PHF21B: variants seen among roughly 807,000 people sequenced by gnomAD.
The protein encoded by PHF21B is PHD finger protein 21B, also known as PHD finger protein 4.
In PHF21B, 22 loss-of-function variants were observed where a neutral mutation model predicts 62.2. That is an observed-to-expected ratio of 0.35 (90% CI 0.25 to 0.51). The LOEUF (loss-of-function observed/expected upper bound fraction) is 0.51. Among genes scored for constraint, PHF21B ranks in the 20% least tolerant of loss-of-function variants. PHF21B has a pLI of 0.97. For missense variants in PHF21B, 701 were observed against 707.9 expected, an observed-to-expected ratio of 0.99 and a Z score of 0.11; for synonymous variants, 341 against 314.7, an observed-to-expected ratio of 1.08 and a Z score of -0.88.
At chr22:45,008,757 G>A in intron 1 of PHF21B, 147 bp from the exon 2 acceptor site, 2 of 1,148,358 alleles carry the variant, frequency 1.7e-6, no homozygotes, top group Non-Finnish European at 2.1e-6. Context: ...CGTCCTGCAC[G>A]CGCGGCGGCC....
At chr22:44,969,927 C>G (rs553030708) in intron 2 of PHF21B, among the ~76,000 whole-genome samples, 1 of 152,236 alleles carries the variant, frequency 6.6e-6, no homozygotes, top group Non-Finnish European at 1.5e-5. Context: ...AACACTGTCT[C>G]GTTTTTCCAT....
chr22:44,994,110 C>T (rs1421588633), intron 2 of PHF21B, among the ~76,000 whole-genome samples: 1 of 152,222 alleles, frequency 6.6e-6, no homozygotes, highest in Non-Finnish European at 1.5e-5. Context: ...GCTGCGTCGG[C>T]CCGGGGCATC....
intron 2 of PHF21B, chr22:45,003,245 C>G (rs1272139914): frequency 2.0e-5 from 3 of 152,330 alleles, no homozygotes; most frequent in Admixed American, 2.0e-4. Context: ...TTCACACCAT[C>G]ACTGCCCTGG....
At chr22:45,002,353 C>G (rs2073235888) in intron 2 of PHF21B, among the ~76,000 whole-genome samples, 1 of 152,158 alleles carries the variant, frequency 6.6e-6, no homozygotes, top group Non-Finnish European at 1.5e-5. Flanking sequence ...AACACATACA[C>G]ACACTTTTGT....
intron 2 of PHF21B, among the ~76,000 whole-genome samples, chr22:44,927,296 A>C (rs1480346081): frequency 1.3e-5 from 2 of 151,836 alleles, no homozygotes; most frequent in Non-Finnish European, 2.9e-5. Flanking sequence ...CAAAACTCCA[A>C]ACCAACGGCC....
intron 2 of PHF21B, among the ~76,000 whole-genome samples, chr22:44,965,349 C>G (rs1708715432): frequency 6.6e-6 from 1 of 152,020 alleles, no homozygotes; most frequent in Admixed American, 6.5e-5. Flanking sequence ...TGGGTCTGTG[C>G]CTATCCCTCC....
At chr22:44,960,956 A>ATTTTT (rs58426065) in intron 2 of PHF21B, among the ~76,000 whole-genome samples, 2,142 of 120,824 alleles carry the variant, frequency 0.018, 96 homozygotes, top group Non-Finnish European at 0.024. Context: ...ACGTGAGTTG[A>ATTTTT]TTTTTTTTTT....
At chr22:44,982,386 GCAACCCTGGGGAGCTGGCACTAC>G (rs2072859100) in intron 2 of PHF21B, among the ~76,000 whole-genome samples, 1 of 152,190 alleles carries the variant, frequency 6.6e-6, no homozygotes, top group African/African-American at 2.4e-5. Flanking sequence ...TCACCTACGT[GCAACCCTGGGGAGCTGGCACTAC>G]CAAACCCTTC....
chr22:44,958,153 T>G (rs1236940983), intron 2 of PHF21B, among the ~76,000 whole-genome samples: 1 of 152,228 alleles, frequency 6.6e-6, no homozygotes, highest in African/African-American at 2.4e-5. Context: ...TCTGCCCACC[T>G]TGGCCTCCCA....
chr22:44,885,954 G>C lies in PHF21B; in HGVS notation c.1198-16C>G, dbSNP rs772676642. On this transcript the variant is annotated splice_polypyrimidine_tract_variant and intron_variant, in intron 10 of 12. Transcript: ENST00000313237. ...TCTTTAAGGCCTGGGGAGCAGACGG[G>C]GAGATGAAAAAGTGGACAGGCCCTG... The C allele has an allele frequency of 6.2e-7, 1 of 1,613,048 alleles. No homozygotes were observed. Among genetic ancestry groups the C allele is most frequent in the Non-Finnish European group, 8.5e-7 (1 of 1,179,558 alleles).
At chr22:44,951,784 G>T (rs1601636289) in intron 2 of PHF21B, among the ~76,000 whole-genome samples, 1 of 152,178 alleles carries the variant, frequency 6.6e-6, no homozygotes, top group East Asian at 1.9e-4. Flanking sequence ...ATTTTTTTGG[G>T]TCTGCACCCA....
At chr22:44,974,089 C>T (rs1367199476) in intron 2 of PHF21B, among the ~76,000 whole-genome samples, 1 of 152,192 alleles carries the variant, frequency 6.6e-6, no homozygotes, top group East Asian at 1.9e-4. Context: ...GTTCCATTCT[C>T]TGCCTGGAGT....
At chr22:44,969,369 C>T (rs2072593096) in intron 2 of PHF21B, among the ~76,000 whole-genome samples, 2 of 152,182 alleles carry the variant, frequency 1.3e-5, no homozygotes, top group South Asian at 4.1e-4. Context: ...ATTTCTGCAA[C>T]TGAAAAATGG....
At chr22:44,976,709 A>T (rs906306772) in intron 2 of PHF21B, among the ~76,000 whole-genome samples, 2 of 152,248 alleles carry the variant, frequency 1.3e-5, no homozygotes, top group Non-Finnish European at 2.9e-5. Flanking sequence ...CATTTGAGGC[A>T]GGAAGCCCCA....
chr22:44,891,769 C>T (rs910094268), intron 7 of PHF21B, among the ~76,000 whole-genome samples: 3 of 152,250 alleles, frequency 2.0e-5, no homozygotes, highest in Admixed American at 1.3e-4. Flanking sequence ...CCCTAAATTC[C>T]ACTTCTTGGC....
At chr22:44,965,864 G>A (rs12158375) in intron 2 of PHF21B, among the ~76,000 whole-genome samples, 7 of 152,140 alleles carry the variant, frequency 4.6e-5, no homozygotes, top group Non-Finnish European at 7.4e-5. Context: ...GGGACTCCTA[G>A]GCACAGGGGG....
chr22:44,901,599 G>A, intron 5 of PHF21B: 1 of 325,992 alleles, frequency 3.1e-6, no homozygotes, highest in East Asian at 5.5e-5. Context: ...AAGATGGTGA[G>A]AAGTTGGATA....
Position 45,009,796 on chromosome 22 carries a change from G to T in PHF21B, c.-247C>A, listed in dbSNP as rs2073391666. On this transcript the variant is annotated 5_prime_UTR_variant, in exon 1 of 13. Coordinates refer to ENST00000313237, the MANE Select transcript of PHF21B (RefSeq NM_138415.5). The surrounding 1 kb of genome is among the most constrained non-coding windows in gnomAD (Gnocchi z 5.9). ...CAGGCTGCCCGGCAAGTTGCGCCGG[G>T]TCCCCGGGCTGCCGGCGCGGCCCGG... 4.6e-6 allele frequency: 1 copy of T among 217,686 alleles called. No homozygotes were observed. The highest frequency in any genetic ancestry group is 2.3e-5 in the African/African-American group (1 of 42,826). The allele number at this position is 217,686 out of a possible 1,614,324, so 13.5% of individuals were successfully genotyped here. A position where few individuals can be genotyped will look rare whatever the true frequency, so the allele number is the denominator to read the frequency against.
intron 3 of PHF21B, among the ~76,000 whole-genome samples, chr22:44,919,730 T>C (rs2071500658): frequency 1.3e-5 from 2 of 152,264 alleles, no homozygotes; most frequent in African/African-American, 2.4e-5. Flanking sequence ...GGCTAATAAC[T>C]ACCTGGCGTT....
Sources: allele counts gnomAD v4.1 joint callset (sites outside exome capture counted in the v4.1 genomes callset), GRCh38; gene constraint gnomAD v4.1.1; non-coding constraint Gnocchi (gnomAD v3.1); transcripts MANE v1.5; gene names NCBI Gene and HGNC (gene_info 2026-07-23, HGNC 2026-07-21).